Variants in BACE2 observed in about 807,000 individuals in gnomAD.
The protein encoded by BACE2 is beta-secretase 2, also known as 56 kDa aspartic-like protease.
Under a neutral mutation model 46.2 loss-of-function variants are expected in BACE2, and 17 were observed. The observed-to-expected ratio is 0.37, with a 90% CI of 0.25 to 0.55. The LOEUF (loss-of-function observed/expected upper bound fraction) is 0.55, where lower values mean the gene tolerates loss of function less well. Ranked by LOEUF, BACE2 falls within the 20% of genes least tolerant of loss-of-function variation. The pLI is 0.82. For synonymous variants in BACE2, 277 were observed against 295.9 expected (o/e 0.94, Z 0.66); for missense variants, 595 against 698.1 (o/e 0.85, Z 1.66).
chr21:41,218,869 C>CTTTTTT (rs60516597), intron 1 of BACE2, among the ~76,000 whole-genome samples: 4 of 145,068 alleles, frequency 2.8e-5, no homozygotes, highest in African/African-American at 7.6e-5. Context: ...AACATCTTGA[C>CTTTTTT]TTTTTTTTTT....
chr21:41,266,129 A>T (rs1419027265), intron 8 of BACE2, among the ~76,000 whole-genome samples: 1 of 151,968 alleles, frequency 6.6e-6, no homozygotes, highest in Non-Finnish European at 1.5e-5. Flanking sequence ...CCTTTTCATT[A>T]TTCTTTTTTC....
chr21:41,235,050 C>T (rs1274280411), intron 2 of BACE2, among the ~76,000 whole-genome samples: 1 of 152,136 alleles, frequency 6.6e-6, no homozygotes, highest in Non-Finnish European at 1.5e-5. Context: ...AGCTGTTTCC[C>T]CCAAATCCGT....
chr21:41,190,367 T>C (rs896578333), intron 1 of BACE2, among the ~76,000 whole-genome samples: 2 of 152,232 alleles, frequency 1.3e-5, no homozygotes, highest in Non-Finnish European at 1.5e-5. Context: ...TAACAATACT[T>C]AAATGCTGAT....
chr21:41,238,187 C>T (rs1201637941), intron 3 of BACE2, among the ~76,000 whole-genome samples: 1 of 152,180 alleles, frequency 6.6e-6, no homozygotes, highest in Non-Finnish European at 1.5e-5. Context: ...GCAGGGGACA[C>T]CTCCGAGGAG....
In BACE2 at chr21:41,277,686, G is replaced by A. The variant is rs994140141; in HGVS notation, c.*2062G>A. ...TTATTTCTTCATACAGGCATCTTCTGTTCCGTTGTATTGTGTTAGGTTTCA... is the reference window on the plus strand; with the variant it reads ...TTATTTCTTCATACAGGCATCTTCTATTCCGTTGTATTGTGTTAGGTTTCA... On this transcript the variant is annotated 3_prime_UTR_variant, in exon 9 of 9. Transcript: ENST00000330333. The A allele has an allele frequency of 5.3e-5, 8 of 152,198 alleles. No individual in the cohort carries two copies. Among genetic ancestry groups the A allele is most frequent in the African/African-American group, 1.9e-4 (8 of 41,448 alleles). 9.4% of individuals were successfully genotyped at this position (152,198 alleles called of 1,614,324 possible). A position where few individuals can be genotyped will look rare whatever the true frequency, so the allele number is the denominator to read the frequency against.
At chr21:41,224,284 G>A (rs565239254) in intron 1 of BACE2, among the ~76,000 whole-genome samples, 63 of 139,774 alleles carry the variant, frequency 4.5e-4, no homozygotes, top group Non-Finnish European at 7.2e-4. Flanking sequence ...GTGCGATCTC[G>A]GCTCACTGCA....
chr21:41,213,724 A>G (rs907239712), intron 1 of BACE2, among the ~76,000 whole-genome samples: 3 of 152,082 alleles, frequency 2.0e-5, no homozygotes, highest in Admixed American at 2.0e-4. Flanking sequence ...CAGTGAGCCA[A>G]GATCGCGCCA....
intron 1 of BACE2, among the ~76,000 whole-genome samples, chr21:41,219,012 G>A (rs568667681): frequency 2.4e-4 from 37 of 152,112 alleles, no homozygotes; most frequent in South Asian, 2.1e-4. Flanking sequence ...ACAGGTGTGC[G>A]CCACCACACC....
At chr21:41,262,036 C>T (rs1281560658) in intron 8 of BACE2, among the ~76,000 whole-genome samples, 1 of 152,054 alleles carries the variant, frequency 6.6e-6, no homozygotes, top group African/African-American at 2.4e-5. Context: ...CCTATATAAC[C>T]ACAATACCAT....
chr21:41,178,901 G>T, intron 1 of BACE2: 1 of 314,138 alleles, frequency 3.2e-6, no homozygotes, highest in Non-Finnish European at 6.1e-6. Context: ...GTGAGACAGT[G>T]CCATGTGGGA....
At chr21:41,234,357 C>T (rs1303131805) in intron 2 of BACE2, among the ~76,000 whole-genome samples, 1 of 152,168 alleles carries the variant, frequency 6.6e-6, no homozygotes, top group Non-Finnish European at 1.5e-5. Flanking sequence ...GACTAATACA[C>T]CAGGAGTTGG....
intron 7 of BACE2, among the ~76,000 whole-genome samples, chr21:41,256,041 C>T (rs1987777573): frequency 6.6e-6 from 1 of 151,838 alleles, no homozygotes; most frequent in African/African-American, 2.4e-5. Flanking sequence ...AGAAGATAAT[C>T]GACTAAGAGT....
intron 8 of BACE2, among the ~76,000 whole-genome samples, chr21:41,270,999 A>G (rs1345308040): frequency 1.3e-5 from 2 of 152,232 alleles, no homozygotes; most frequent in African/African-American, 4.8e-5. Flanking sequence ...AGGTAAAAAA[A>G]CATTAGGATT....
intron 8 of BACE2, among the ~76,000 whole-genome samples, chr21:41,267,048 G>T (rs544105536): frequency 3.9e-4 from 59 of 152,100 alleles, no homozygotes; most frequent in Middle Eastern, 6.8e-3. Flanking sequence ...GCAGTGAGTG[G>T]GAGCTCCTTG....
chr21:41,239,343 T>C (rs1987225269), intron 3 of BACE2, among the ~76,000 whole-genome samples: 1 of 152,166 alleles, frequency 6.6e-6, no homozygotes, highest in Non-Finnish European at 1.5e-5. Context: ...AGGCATACTT[T>C]GTAAGGTCAT....
At chr21:41,275,051 C>T (rs1324654170) in intron 8 of BACE2, among the ~76,000 whole-genome samples, 1 of 152,224 alleles carries the variant, frequency 6.6e-6, no homozygotes, top group East Asian at 1.9e-4. Flanking sequence ...CCTGCACTCT[C>T]ACCTGTGTAG....
intron 1 of BACE2, among the ~76,000 whole-genome samples, chr21:41,192,038 T>C (rs988987274): frequency 2.0e-5 from 3 of 152,190 alleles, no homozygotes; most frequent in African/African-American, 7.2e-5. Flanking sequence ...CAGCTGGCCA[T>C]TTCTCCTTCC....
Position 41,275,443 on chromosome 21 carries a change from C to G in BACE2, c.1376C>G (p.Pro459Arg). 1 of 1,614,160 alleles carries G rather than the reference C, an allele frequency of 6.2e-7. No homozygotes were observed. The highest frequency in any genetic ancestry group is 8.5e-7 in the Non-Finnish European group (1 of 1,180,010). ...GAGGATGTAGCCAGCAACTGTGTCC[C>G]CGCTCAGTCTTTGAGCGAGCCCATT... ...STEDVASNCV[P>R]AQSLSEPILW... Residue 459 changes from proline to arginine, a missense_variant, in exon 9 of 9, where the codon CCC becomes CGC. Pro to Arg is a moderately radical substitution (Grantham distance 103, BLOSUM62 -2). Transcript: ENST00000330333.
chr21:41,267,501 C>T (rs1426361176), intron 8 of BACE2, among the ~76,000 whole-genome samples: 1 of 152,220 alleles, frequency 6.6e-6, no homozygotes, highest in African/African-American at 2.4e-5. Flanking sequence ...GTATAGATCT[C>T]AGCTTGTACA....
Sources: gnomAD v4.1 joint callset for allele counts (sites outside exome capture counted in the v4.1 genomes callset) on GRCh38, gnomAD v4.1.1 for gene constraint, MANE v1.5 for transcripts, NCBI Gene and HGNC (gene_info 2026-07-23, HGNC 2026-07-21) for gene names.